ARHGAP22: variants seen among roughly 807,000 people sequenced by gnomAD.
ARHGAP22 encodes the protein Rho GTPase activating protein 22.
ARHGAP22 carries 48 observed loss-of-function variants against 59.1 expected under a neutral mutation model. The ratio of observed to expected loss-of-function variants is 0.81; its 90% CI spans 0.64 to 1.03. The LOEUF (loss-of-function observed/expected upper bound fraction) is 1.03. Among genes scored for constraint, ARHGAP22 ranks in the 50% least tolerant of loss-of-function variants. The probability of loss-of-function intolerance (pLI) is 0.00; values close to 1 mark genes in which losing one functional copy is unlikely to be tolerated. For missense variants in ARHGAP22, 1,015 were observed against 958.7 expected, an observed-to-expected ratio of 1.06 and a Z score of -0.78; for synonymous variants, 445 against 416.4, an observed-to-expected ratio of 1.07 and a Z score of -0.84.
intron 5 of ARHGAP22, among the ~76,000 whole-genome samples, chr10:48,458,853 C>T (rs531673211): frequency 6.6e-6 from 1 of 152,142 alleles, no homozygotes; most frequent in Non-Finnish European, 1.5e-5. Flanking sequence ...CTGGACTCCA[C>T]ATCTAAGGAG....
chr10:48,600,665 CT>C (rs1342062519), intron 1 of ARHGAP22, among the ~76,000 whole-genome samples: 13 of 152,290 alleles, frequency 8.5e-5, no homozygotes, highest in Admixed American at 5.9e-4. Flanking sequence ...GTCCTGGACC[CT>C]TTGCTGATCT....
rs1051509 is a variant in ARHGAP22 at position 48,446,152 on chromosome 10, A to G, written c.*239T>C. 230,220 of 556,316 alleles carry G rather than the reference A, an allele frequency of 0.41. 49,328 individuals are homozygous for G. Among genetic ancestry groups the G allele is most frequent in the South Asian group, 0.55 (22,156 of 40,188 alleles). 34.5% of individuals were successfully genotyped at this position (556,316 alleles called of 1,614,324 possible). On this transcript the variant is annotated 3_prime_UTR_variant, in exon 10 of 10. Coordinates refer to ENST00000249601, the MANE Select transcript of ARHGAP22 (RefSeq NM_021226.4). ...ATTTCCTGGGTAAGGGCTAAGCGCT[A>G]CTCTTGGTACCGTCCCCTTCTGACC...
the ARHGAP22 span, chr10:48,434,942 G>A: frequency 1.9e-6 from 3 of 1,605,484 alleles, no homozygotes; most frequent in Non-Finnish European, 2.6e-6. Context: ...TCAATGATGT[G>A]TCTTCAATGT....
intron 3 of ARHGAP22, among the ~76,000 whole-genome samples, chr10:48,520,844 C>G (rs189660831): frequency 6.6e-6 from 1 of 152,114 alleles, no homozygotes; most frequent in Non-Finnish European, 1.5e-5. Context: ...AGAATGAGCA[C>G]GTGTCAGGAT....
At chr10:48,586,916 C>A (rs1027526955) in intron 1 of ARHGAP22, among the ~76,000 whole-genome samples, 1 of 152,200 alleles carries the variant, frequency 6.6e-6, no homozygotes, top group African/African-American at 2.4e-5. Flanking sequence ...CCCTTTCCCT[C>A]TCCATAGGAG....
intron 3 of ARHGAP22, among the ~76,000 whole-genome samples, chr10:48,492,722 T>C (rs917217873): frequency 5.3e-5 from 8 of 152,058 alleles, no homozygotes; most frequent in Non-Finnish European, 1.0e-4. Flanking sequence ...CCCAGCTAAA[T>C]TGTGTATTTT....
At chr10:48,466,607 GCGGCAAGGCGGCC>G (rs2047725827) in intron 4 of ARHGAP22, 1 of 145,616 alleles carries the variant, frequency 6.9e-6, no homozygotes, top group South Asian at 2.1e-4. Flanking sequence ...AAGCGGGCAA[GCGGCAAGGCGGCC>G]GCGGGCAAGC....
Position 48,595,599 on chromosome 10 carries a change from C to T in ARHGAP22, c.34+9164G>A, listed in dbSNP as rs1185397373. Among the ~76,000 whole-genome samples, 3 of 152,142 alleles carry T rather than the reference C, an allele frequency of 2.0e-5. No homozygotes were observed. In the East Asian group the frequency reaches 5.8e-4, roughly 29 times the overall value. On this transcript the variant is annotated intron_variant, in intron 1 of 9. Transcript: ENST00000249601. ...AGTGCAGTGGCATGATCATAGCTCA[C>T]TGCAGGCTCAAACTCTTAGGTTCAG...
exon 1 of ARHGAP22, chr10:48,652,259 CCTT>C: frequency 6.5e-7 from 1 of 1,535,698 alleles, no homozygotes; most frequent in South Asian, 1.2e-5. Context: ...CAAACGTCCT[CCTT>C]TTGCTGGAAG....
At chr10:48,538,363 T>A (rs915409038) in intron 3 of ARHGAP22, among the ~76,000 whole-genome samples, 5 of 152,224 alleles carry the variant, frequency 3.3e-5, no homozygotes, top group African/African-American at 1.2e-4. Context: ...GCTCATTGCA[T>A]CTGCATGAAT....
At chr10:48,650,082 C>T (rs984797399) in intron 1 of ARHGAP22, among the ~76,000 whole-genome samples, 4 of 149,060 alleles carry the variant, frequency 2.7e-5, no homozygotes, top group Non-Finnish European at 4.4e-5. Flanking sequence ...GATAAACACA[C>T]AGAGGTGCTA....
intron 2 of ARHGAP22, chr10:48,575,042 C>T (rs1336462904): frequency 2.0e-5 from 3 of 152,136 alleles, no homozygotes; most frequent in Non-Finnish European, 4.4e-5. Flanking sequence ...GTGCTGTCCT[C>T]AAAATAGAGT....
At chr10:48,600,664 C>T (rs1227164876) in intron 1 of ARHGAP22, among the ~76,000 whole-genome samples, 1 of 152,144 alleles carries the variant, frequency 6.6e-6, no homozygotes, top group Admixed American at 6.5e-5. Context: ...TGTCCTGGAC[C>T]CTTTGCTGAT....
chr10:48,642,022 G>T (rs1451257948), intron 1 of ARHGAP22, among the ~76,000 whole-genome samples: 2 of 152,092 alleles, frequency 1.3e-5, no homozygotes, highest in East Asian at 3.9e-4. Context: ...TAGGAATCCA[G>T]CTTACAAGGG....
chr10:48,446,071 G>A lies in ARHGAP22; in HGVS notation c.*320C>T. On this transcript the variant is annotated 3_prime_UTR_variant, in exon 10 of 10. Transcript: ENST00000249601. ...GCACATTTAATAAAGAAAGCTGACT[G>A]TTCCCGGTGGCTGCCTGGATCCTGG... 2.5e-6 allele frequency: 1 copy of A among 403,782 alleles called. No homozygotes were observed. The highest frequency in any genetic ancestry group is 4.4e-6 in the Non-Finnish European group (1 of 226,258). The allele number at this position is 403,782 out of a possible 1,614,324, so 25.0% of individuals were successfully genotyped here. A position where few individuals can be genotyped will look rare whatever the true frequency, so the allele number is the denominator to read the frequency against.
the ARHGAP22 span, among the ~76,000 whole-genome samples, chr10:48,432,804 A>G: frequency 6.6e-6 from 1 of 152,246 alleles, no homozygotes; most frequent in Admixed American, 6.5e-5. Flanking sequence ...AAAATAAGTC[A>G]GTGAAAAAGA....
chr10:48,533,663 C>T (rs1341002289), intron 3 of ARHGAP22, among the ~76,000 whole-genome samples: 1 of 152,240 alleles, frequency 6.6e-6, no homozygotes, highest in Non-Finnish European at 1.5e-5. Context: ...TTAGCAACTA[C>T]TCAGCTCCAC....
At chr10:48,567,205 G>A (rs1441039062) in intron 2 of ARHGAP22, among the ~76,000 whole-genome samples, 1 of 152,248 alleles carries the variant, frequency 6.6e-6, no homozygotes, top group East Asian at 1.9e-4. Context: ...TCATCTCACT[G>A]TATTCCTGAG....
At chr10:48,650,754 C>A (rs191907793) in intron 1 of ARHGAP22, among the ~76,000 whole-genome samples, 1 of 152,224 alleles carries the variant, frequency 6.6e-6, no homozygotes, top group East Asian at 1.9e-4. Flanking sequence ...TCCTTCCAAG[C>A]CAGATAATGC....
Sources: gnomAD v4.1 joint callset for allele counts (sites outside exome capture counted in the v4.1 genomes callset) on GRCh38, gnomAD v4.1.1 for gene constraint, MANE v1.5 for transcripts, NCBI Gene and HGNC (gene_info 2026-07-23, HGNC 2026-07-21) for gene names.